The following HCN2 variants were observed in gnomAD, a reference collection of about 807,000 sequenced individuals.
HCN2 encodes the protein hyperpolarization activated cyclic nucleotide gated potassium and sodium channel 2.
In HCN2, 20 loss-of-function variants were observed where a neutral mutation model predicts 52.3. The ratio of observed to expected loss-of-function variants is 0.38; its 90% CI spans 0.27 to 0.56. The LOEUF is 0.56. HCN2 is among the 20% of genes least tolerant of loss of function. HCN2 has a pLI of 0.71. For synonymous variants in HCN2, 694 were observed against 537.0 expected (o/e 1.29, Z -4.04); for missense variants, 981 against 1,207.7 (o/e 0.81, Z 2.78).
chr19:590,196 GC>G lies in HCN2; in HGVS notation c.255del (p.Gly86AlafsTer176). 1.0e-6 allele frequency: 1 copy of G among 981,856 alleles called. No homozygotes were observed. The highest frequency in any genetic ancestry group is 1.2e-6 in the Non-Finnish European group (1 of 829,854). The allele number at this position is 981,856 out of a possible 1,614,324, so 60.8% of individuals were successfully genotyped here. On this transcript the variant is annotated frameshift_variant, in exon 1 of 8. Transcript: ENST00000251287. LOFTEE classifies it high-confidence loss of function. This position sits in a 1 kb window ranked among gnomAD's most constrained non-coding sequence, Gnocchi z 7.2. ...CGCAGCCGCGACAGCTCGTGCGGCC[GC>G]CCCGGCACCCCGGGCGCGGCGAGCA... ...RLRSRDSSCG[R>X]PGTPGAASTA...
At chr19:599,070 G>A (rs998944750) in intron 1 of HCN2, among the ~76,000 whole-genome samples, 1 of 152,258 alleles carries the variant, frequency 6.6e-6, no homozygotes, top group Non-Finnish European at 1.5e-5. Flanking sequence ...GCCAGCAGGC[G>A]GGTGCCAGCC....
rs1568370550 is a variant in HCN2, at chr19:616,295, G to T, written c.2491G>T (p.Ala831Ser). The T allele has an allele frequency of 9.2e-7, 1 of 1,085,048 alleles. No homozygotes were observed. The highest frequency in any genetic ancestry group is 4.8e-5 in the Admixed American group (1 of 20,928). The allele number at this position is 1,085,048 out of a possible 1,614,324, so 67.2% of individuals were successfully genotyped here. ...SASQPSLPHG[A>S]PGPAASTRPA... ...CTCGCAGCCCTCGCTGCCTCACGGCGCCCCCGGCCCCGCGGCCTCCACACG... is the reference window on the plus strand; with the variant it reads ...CTCGCAGCCCTCGCTGCCTCACGGCTCCCCCGGCCCCGCGGCCTCCACACG... The change falls in exon 8 of 8, where the codon GCC becomes TCC. Residue 831 changes from alanine to serine, a missense_variant. Physicochemically the swap from Ala to Ser is moderately conservative, Grantham distance 99 (BLOSUM62 1). Coordinates refer to ENST00000251287, the MANE Select transcript of HCN2 (RefSeq NM_001194.4).
chr19:603,971 A>C lies in HCN2; in HGVS notation c.1056+4A>C. ...CTACATCCATCAGTGGGAGGAGGTG[A>C]GGTGGGGCGGGGGCGGGGCCAAGGC... On this transcript the variant is annotated splice_donor_region_variant and intron_variant, in intron 2 of 7. Transcript: ENST00000251287. 8 of 438,832 alleles carry C rather than the reference A, an allele frequency of 1.8e-5. No individual in the cohort carries two copies. Among genetic ancestry groups the C allele is most frequent in the Non-Finnish European group, 2.7e-5 (8 of 292,680 alleles). 27.2% of individuals were successfully genotyped at this position (438,832 alleles called of 1,614,324 possible).
chr19:602,398 T>C (rs1337435391), intron 1 of HCN2, among the ~76,000 whole-genome samples: 1 of 144,500 alleles, frequency 6.9e-6, no homozygotes, highest in Non-Finnish European at 1.5e-5. Context: ...TCTCTCCTCC[T>C]GCGTGGACGC....
chr19:609,057 C>T (rs1318155517), intron 4 of HCN2, among the ~76,000 whole-genome samples: 3 of 152,174 alleles, frequency 2.0e-5, no homozygotes, highest in East Asian at 1.9e-4. Context: ...GAGCCAAGTG[C>T]CCCCCTCTCC....
intron 1 of HCN2, among the ~76,000 whole-genome samples, chr19:593,093 C>T (rs1373830177): frequency 2.0e-5 from 3 of 152,210 alleles, no homozygotes; most frequent in African/African-American, 7.2e-5. Flanking sequence ...GCCTGTGCCC[C>T]CCAGGCACGC....
In HCN2 at chr19:605,061, A is replaced by G. The variant is rs753808228; in HGVS notation, c.1057A>G (p.Ile353Val). The G allele has an allele frequency of 2.5e-6, 4 of 1,608,400 alleles. No individual in the cohort carries two copies. Among genetic ancestry groups the G allele is most frequent in the Non-Finnish European group, 3.4e-6 (4 of 1,177,194 alleles). The part of the protein sequence containing the change: ...LIRYIHQWEE[I>V]FHMTYDLASA... ...GTGGGCTCACGGCGCCTTCCTGCAG[A>G]TCTTCCACATGACCTATGACCTGGC... The change falls in exon 3 of 8, where the codon ATC (isoleucine) becomes GTC (valine). Residue 353 changes from isoleucine (I) to valine (V), a missense_variant and splice_region_variant. By Grantham distance (29) the Ile-to-Val change is conservative. This residue lies in a region of HCN2 where 282 missense variants were observed against 553.8 expected (regional missense o/e 0.51). Transcript: ENST00000251287.
chr19:613,560 CG>C (rs1228832138), intron 6 of HCN2, 72 bp downstream of exon 6: 9 of 246,454 alleles, frequency 3.7e-5, no homozygotes, highest in South Asian at 2.8e-4. Context: ...GCCAGGGGGC[CG>C]GGGCCGGGGC....
At chr19:609,409 G>A (rs1397346298) in intron 4 of HCN2, among the ~76,000 whole-genome samples, 1 of 152,206 alleles carries the variant, frequency 6.6e-6, no homozygotes, top group Admixed American at 6.5e-5. Flanking sequence ...CAGGGTACCT[G>A]GGGCCTCTCC....
Position 595,833 on chromosome 19 carries a change from G to A in HCN2, c.632+5256G>A, listed in dbSNP as rs180967611. ...GTGCCGTCTCCTAATCCCCCGGCCCGAGGCTCTCCCTTAATCACCGACCTC... is the reference window on the plus strand; with the variant it reads ...GTGCCGTCTCCTAATCCCCCGGCCCAAGGCTCTCCCTTAATCACCGACCTC... On this transcript the variant is annotated intron_variant, in intron 1 of 7. Transcript: ENST00000251287. Among the ~76,000 whole-genome samples, 894 of 152,320 alleles carry A rather than the reference G, an allele frequency of 5.9e-3. 5 individuals carry two copies. Among genetic ancestry groups the A allele is most frequent in the Non-Finnish European group, 0.01 (691 of 68,018 alleles).
At chr19:611,198 G>A (rs926003087) in intron 5 of HCN2, among the ~76,000 whole-genome samples, 6 of 152,232 alleles carry the variant, frequency 3.9e-5, no homozygotes, top group Non-Finnish European at 7.3e-5. Flanking sequence ...CTGTCTTTCT[G>A]GGAGATGTAG....
intron 6 of HCN2, 95 bp downstream of exon 6, chr19:613,583 ATGGGGATGGGGATGGGGATGGGGCCG>A (rs1983745328): frequency 2.7e-5 from 2 of 75,216 alleles, no homozygotes; most frequent in African/African-American, 3.1e-4. Context: ...GGGGCCGGGG[ATGGGGATGGGGATGGGGATGGGGCCG>A]GGGATGGGGA....
intron 3 of HCN2, among the ~76,000 whole-genome samples, chr19:606,589 A>G (rs1600528732): frequency 6.6e-6 from 1 of 151,874 alleles, no homozygotes; most frequent in African/African-American, 2.4e-5. Context: ...ATGGCTGCTC[A>G]TGCCTGTAAT....
At chr19:604,403 GC>G (rs982613514) in intron 2 of HCN2, among the ~76,000 whole-genome samples, 1 of 148,300 alleles carries the variant, frequency 6.7e-6, no homozygotes, top group African/African-American at 2.5e-5. Context: ...CAGGGGTGGG[GC>G]TATCAGGTTG....
At chr19:608,259 G>T in intron 4 of HCN2, 77 bp downstream of exon 4, 1 of 1,361,986 alleles carries the variant, frequency 7.3e-7, no homozygotes, top group Non-Finnish European at 1.0e-6. Flanking sequence ...AGAGAGTCAG[G>T]CCAGGCCCTG....
Position 617,103 on chromosome 19 carries a change from CGCCCCA to C in HCN2, c.*630_*635del. On this transcript the variant is annotated 3_prime_UTR_variant, in exon 8 of 8. Transcript: ENST00000251287. ...GCAGTGCCCCCACCGTGGCCCCCCA[CGCCCCA>C]TTAACCCCCACACCCCCATTCCGCG... 6 of 483,246 alleles carry C rather than the reference CGCCCCA, an allele frequency of 1.2e-5. No individual in the cohort carries two copies. The highest frequency in any genetic ancestry group is 1.9e-5 in the Non-Finnish European group (5 of 263,592). 29.9% of individuals were successfully genotyped at this position (483,246 alleles called of 1,614,324 possible).
chr19:616,881 G>A lies in HCN2; in HGVS notation c.*407G>A, dbSNP rs1307355062. On this transcript the variant is annotated 3_prime_UTR_variant, in exon 8 of 8. Coordinates refer to ENST00000251287, the MANE Select transcript of HCN2 (RefSeq NM_001194.4). ...GTTTTCTAAGTGCAATACTTGGCCC[G>A]CCGGCTTCCCGCTGCCCCCATCGCG... 1.3e-5 allele frequency: 3 copies of A among 230,694 alleles called. No individual in the cohort carries two copies. The highest frequency in any genetic ancestry group is 5.5e-5 in the South Asian group (1 of 18,028). The allele number at this position is 230,694 out of a possible 1,614,324, so 14.3% of individuals were successfully genotyped here.
intron 4 of HCN2, among the ~76,000 whole-genome samples, chr19:609,664 G>A (rs755172689): frequency 1.3e-5 from 2 of 152,226 alleles, no homozygotes; most frequent in African/African-American, 2.4e-5. Flanking sequence ...TACTCAGGAG[G>A]CCGAGGTGGG....
At chr19:593,641 GA>G (rs944668770) in intron 1 of HCN2, among the ~76,000 whole-genome samples, 12 of 152,144 alleles carry the variant, frequency 7.9e-5, no homozygotes, top group Admixed American at 3.3e-4. Flanking sequence ...AAAGGAAGAA[GA>G]AGTGCAGTTG....
Sources: allele counts gnomAD v4.1 joint callset (sites outside exome capture counted in the v4.1 genomes callset), GRCh38; gene constraint gnomAD v4.1.1; regional missense constraint gnomAD v4.1.1; non-coding constraint Gnocchi (gnomAD v3.1); transcripts MANE v1.5; gene names NCBI Gene and HGNC (gene_info 2026-07-23, HGNC 2026-07-21).